The following PEX5L variants were observed in gnomAD, a reference collection of about 807,000 sequenced individuals.
PEX5L encodes peroxisomal biogenesis factor 5 like.
A neutral mutation model predicts 84.0 loss-of-function variants in PEX5L; 30 were observed. The ratio of observed to expected loss-of-function variants is 0.36; its 90% CI spans 0.27 to 0.48. The LOEUF (loss-of-function observed/expected upper bound fraction) is 0.48. Among genes scored for constraint, PEX5L ranks in the 20% least tolerant of loss-of-function variants. The pLI, the probability that PEX5L is intolerant of heterozygous loss-of-function variation, is 0.99. For synonymous variants in PEX5L, 270 were observed against 283.1 expected (o/e 0.95, Z 0.46); for missense variants, 533 against 754.6 (o/e 0.71, Z 3.44).
chr3:179,923,589 A>G (rs1770507509), intron 2 of PEX5L, among the ~76,000 whole-genome samples: 1 of 152,234 alleles, frequency 6.6e-6, no homozygotes, highest in South Asian at 2.1e-4. Flanking sequence ...AAGTGATTCT[A>G]TGCATGCTAA....
chr3:179,992,906 G>GTATGTATA (rs1787516895), intron 1 of PEX5L, among the ~76,000 whole-genome samples: 1 of 151,936 alleles, frequency 6.6e-6, no homozygotes, highest in South Asian at 2.1e-4. Flanking sequence ...ATGTATGTAT[G>GTATGTATA]TACATATGTA....
At chr3:179,845,058 T>C (rs1738790730) in intron 8 of PEX5L, among the ~76,000 whole-genome samples, 2 of 152,228 alleles carry the variant, frequency 1.3e-5, no homozygotes, top group Admixed American at 1.3e-4. Flanking sequence ...TTCTCTTCTG[T>C]AGCCAGATCA....
rs576319222 is a variant in PEX5L at position 179,804,017 on chromosome 3, T to C, written c.1677-1985A>G. 3.3e-5 allele frequency: 5 copies of C among 152,320 alleles called. No homozygotes were observed. The East Asian group carries it at 7.7e-4, about 24-fold the overall frequency. 9.4% of individuals were successfully genotyped at this position (152,320 alleles called of 1,614,324 possible). A position where few individuals can be genotyped will look rare whatever the true frequency, so the allele number is the denominator to read the frequency against. ...CAGCTCTACTGATGTCTCCCAGTTT[T>C]CTCTCATAGACCCAGACCTGCAAGA... On this transcript the variant is annotated intron_variant, in intron 14 of 14. Coordinates refer to ENST00000467460, the MANE Select transcript of PEX5L (RefSeq NM_016559.3).
At chr3:179,830,466 G>A (rs1435674592) in intron 8 of PEX5L, among the ~76,000 whole-genome samples, 2 of 152,172 alleles carry the variant, frequency 1.3e-5, no homozygotes, top group African/African-American at 4.8e-5. Flanking sequence ...AAAAGCTGGA[G>A]GGAGCTTCCA....
At chr3:179,831,935 C>T (rs527241530) in intron 8 of PEX5L, among the ~76,000 whole-genome samples, 5 of 152,178 alleles carry the variant, frequency 3.3e-5, no homozygotes, top group Non-Finnish European at 7.4e-5. Flanking sequence ...TACAGTTAGA[C>T]GAATAAGCTT....
intron 2 of PEX5L, among the ~76,000 whole-genome samples, chr3:179,969,523 T>C (rs1205568336): frequency 2.6e-5 from 4 of 152,126 alleles, no homozygotes; most frequent in African/African-American, 9.7e-5. Flanking sequence ...TATAGCTTTA[T>C]AAAGACCAAT....
chr3:179,860,049 A>C (rs183014772), intron 7 of PEX5L, among the ~76,000 whole-genome samples: 1 of 152,390 alleles, frequency 6.6e-6, no homozygotes, highest in Admixed American at 6.5e-5. Flanking sequence ...TCAAAAACAT[A>C]TGAAACATAA....
intron 1 of PEX5L, among the ~76,000 whole-genome samples, chr3:180,022,185 A>C (rs1036372166): frequency 3.9e-5 from 6 of 152,192 alleles, no homozygotes; most frequent in African/African-American, 1.4e-4. Context: ...TCTGATTTTT[A>C]TAATGTTACT....
intron 8 of PEX5L, among the ~76,000 whole-genome samples, chr3:179,821,683 C>T (rs1728575203): frequency 6.6e-6 from 1 of 152,174 alleles, no homozygotes; most frequent in South Asian, 2.1e-4. Flanking sequence ...ATGCTGGAAG[C>T]ACATGGAATG....
At chr3:179,982,441 T>A (rs1786421712) in intron 1 of PEX5L, among the ~76,000 whole-genome samples, 1 of 152,168 alleles carries the variant, frequency 6.6e-6, no homozygotes, top group South Asian at 2.1e-4. Context: ...TTTGCATCTT[T>A]CCTGTCTTTC....
chr3:180,022,521 A>G (rs998535258), intron 1 of PEX5L, among the ~76,000 whole-genome samples: 6 of 152,266 alleles, frequency 3.9e-5, no homozygotes, highest in African/African-American at 7.2e-5. Context: ...AGGTTAAAAC[A>G]TTAAAGTAAT....
At chr3:179,989,091 A>T (rs1231266694) in intron 1 of PEX5L, among the ~76,000 whole-genome samples, 1 of 152,224 alleles carries the variant, frequency 6.6e-6, no homozygotes, top group Non-Finnish European at 1.5e-5. Context: ...CTTCAAGGAA[A>T]CAGAAATCCG....
chr3:179,999,378 G>A (rs1788185283), intron 1 of PEX5L, among the ~76,000 whole-genome samples: 1 of 152,122 alleles, frequency 6.6e-6, no homozygotes, highest in South Asian at 2.1e-4. Context: ...TCGCCCAATG[G>A]TCCCATGAAC....
At chr3:179,923,311 A>AAAC (rs1770390869) in intron 2 of PEX5L, among the ~76,000 whole-genome samples, 1 of 149,552 alleles carries the variant, frequency 6.7e-6, no homozygotes, top group Non-Finnish European at 1.5e-5. Flanking sequence ...AAAAAAAAAA[A>AAAC]CACCCTCAAG....
chr3:179,898,775 G>A (rs1760212036), intron 2 of PEX5L, among the ~76,000 whole-genome samples: 1 of 151,982 alleles, frequency 6.6e-6, no homozygotes. Context: ...CCAGTGGCTT[G>A]ACATAACAGT....
intron 8 of PEX5L, among the ~76,000 whole-genome samples, chr3:179,848,100 T>C (rs1249585143): frequency 6.6e-6 from 1 of 152,198 alleles, no homozygotes; most frequent in Non-Finnish European, 1.5e-5. Context: ...GCAGATCTCA[T>C]TATTGTTCCT....
chr3:179,859,191 T>G, intron 7 of PEX5L, 34 bp from the exon 8 acceptor site: 1 of 1,414,582 alleles, frequency 7.1e-7, no homozygotes, highest in Non-Finnish European at 1.0e-6. Context: ...GTTATAATAT[T>G]AGAATCACAT....
chr3:179,808,128 G>T, intron 13 of PEX5L, 144 bp downstream of exon 13: 1 of 637,132 alleles, frequency 1.6e-6, no homozygotes, highest in Non-Finnish European at 2.6e-6. Flanking sequence ...AACAGCCACA[G>T]TAGCACATTA....
chr3:179,855,085 T>C (rs1453557052), intron 8 of PEX5L, among the ~76,000 whole-genome samples: 1 of 151,968 alleles, frequency 6.6e-6, no homozygotes, highest in Non-Finnish European at 1.5e-5. Context: ...GGCAGTAAAC[T>C]TGGGTGTGGG....
Sources: allele counts gnomAD v4.1 joint callset (sites outside exome capture counted in the v4.1 genomes callset), GRCh38; gene constraint gnomAD v4.1.1; transcripts MANE v1.5; gene names NCBI Gene and HGNC (gene_info 2026-07-23, HGNC 2026-07-21).